CCDC149: variants seen among roughly 807,000 people sequenced by gnomAD.
The protein encoded by CCDC149 is coiled-coil domain containing 149, also known as coiled-coil domain-containing protein 149.
In CCDC149, 45 loss-of-function variants were observed where a neutral mutation model predicts 59.9. That is an observed-to-expected ratio of 0.75 (90% CI 0.59 to 0.96). CCDC149 has a LOEUF of 0.96. CCDC149 is among the 40% of genes least tolerant of loss of function. The probability of loss-of-function intolerance (pLI) is 0.00; values close to 1 mark genes in which losing one functional copy is unlikely to be tolerated. For missense variants in CCDC149, 584 were observed against 664.7 expected (o/e 0.88, Z 1.33); for synonymous variants, 245 against 260.6 (o/e 0.94, Z 0.58).
At chr4:24,813,637 C>G (rs917923747) in intron 12 of CCDC149, among the ~76,000 whole-genome samples, 1 of 151,386 alleles carries the variant, frequency 6.6e-6, no homozygotes, top group African/African-American at 2.4e-5. Context: ...AATTTTAATA[C>G]AACATAAAAG....
In CCDC149 at chr4:24,831,565, G is replaced by A. The variant is rs776173518; in HGVS notation, c.906C>T (p.Ala302=). The A allele has an allele frequency of 3.1e-6, 5 of 1,613,908 alleles. No individual in the cohort carries two copies. The highest frequency in any genetic ancestry group is 4.2e-6 in the Non-Finnish European group (5 of 1,180,002). ...TTTTCTCGTGGATTGTTTCCAACAG[G>A]GCTGTTGCCAGAGATTTCAGGTCAG... is the stretch of plus-strand genomic sequence containing the variant. The change falls in exon 9 of 13, where the codon GCC becomes GCT. Residue 302 remains alanine, a synonymous_variant. Coordinates refer to ENST00000635206, the MANE Select transcript of CCDC149 (RefSeq NM_001330643.2).
At chr4:24,921,658 C>T (rs1030737296) in intron 1 of CCDC149, among the ~76,000 whole-genome samples, 5 of 152,176 alleles carry the variant, frequency 3.3e-5, no homozygotes, top group Admixed American at 6.5e-5. Context: ...CACCCGCCAG[C>T]GCCCACATGT....
chr4:24,814,868 C>T (rs1403189190), intron 12 of CCDC149, among the ~76,000 whole-genome samples: 1 of 152,198 alleles, frequency 6.6e-6, no homozygotes, highest in African/African-American at 2.4e-5. Context: ...ATGTCATCCA[C>T]CCCTGTCCCC....
intron 9 of CCDC149, among the ~76,000 whole-genome samples, chr4:24,825,548 C>T (rs927381217): frequency 2.0e-5 from 3 of 151,958 alleles, no homozygotes; most frequent in South Asian, 2.1e-4. Flanking sequence ...ACGAGGCAGG[C>T]GGATCACGAG....
chr4:24,944,695 G>A (rs973982407), intron 1 of CCDC149, among the ~76,000 whole-genome samples: 13 of 152,150 alleles, frequency 8.5e-5, no homozygotes, highest in African/African-American at 3.1e-4. Flanking sequence ...AACCACCATG[G>A]CACATGTATA....
intron 1 of CCDC149, among the ~76,000 whole-genome samples, chr4:24,901,175 G>A (rs1721147719): frequency 6.6e-6 from 1 of 152,222 alleles, no homozygotes; most frequent in Admixed American, 6.5e-5. Flanking sequence ...ACCAGAAGAG[G>A]TGAAAGTGGA....
At chr4:24,909,569 T>C (rs1196746267) in intron 1 of CCDC149, among the ~76,000 whole-genome samples, 1 of 152,162 alleles carries the variant, frequency 6.6e-6, no homozygotes, top group Admixed American at 6.5e-5. Flanking sequence ...TAGTTTCTTG[T>C]GGCTGCTTGA....
At chr4:24,825,874 A>T (rs1330686753) in intron 9 of CCDC149, among the ~76,000 whole-genome samples, 1 of 152,138 alleles carries the variant, frequency 6.6e-6, no homozygotes, top group African/African-American at 2.4e-5. Flanking sequence ...CCAGACCATG[A>T]ATGACCTACC....
chr4:24,902,572 C>T (rs1043267702), intron 1 of CCDC149, among the ~76,000 whole-genome samples: 1 of 152,224 alleles, frequency 6.6e-6, no homozygotes, highest in Non-Finnish European at 1.5e-5. Flanking sequence ...ATCTCCCTTG[C>T]TGTCTTCAAC....
chr4:24,886,052 G>T (rs1197477064), intron 1 of CCDC149, among the ~76,000 whole-genome samples: 1 of 152,158 alleles, frequency 6.6e-6, no homozygotes, highest in Non-Finnish European at 1.5e-5. Flanking sequence ...TACAGAGAAG[G>T]ACATAGAACC....
At chr4:24,885,235 G>T (rs1720091738) in intron 1 of CCDC149, among the ~76,000 whole-genome samples, 1 of 152,158 alleles carries the variant, frequency 6.6e-6, no homozygotes, top group African/African-American at 2.4e-5. Flanking sequence ...TTGAATGGGG[G>T]AGTGTCATTA....
intron 1 of CCDC149, 37 bp from the exon 2 acceptor site, chr4:24,876,734 C>T: frequency 2.6e-6 from 4 of 1,567,660 alleles, no homozygotes; most frequent in Non-Finnish European, 3.5e-6. Context: ...GGGTCAAAAA[C>T]ATCCATGGGC....
At chr4:24,903,372 A>G (rs1487313045) in intron 1 of CCDC149, among the ~76,000 whole-genome samples, 1 of 152,176 alleles carries the variant, frequency 6.6e-6, no homozygotes, top group Non-Finnish European at 1.5e-5. Flanking sequence ...CTTGGTAGTC[A>G]GTCTCCAAGA....
At chr4:24,959,037 G>C (rs1393914546) in intron 1 of CCDC149, among the ~76,000 whole-genome samples, 1 of 151,430 alleles carries the variant, frequency 6.6e-6, no homozygotes, top group South Asian at 2.1e-4. Context: ...GCAGTGGCGC[G>C]ATCTTGGCTC....
At chr4:24,826,304 C>G (rs1456579762) in intron 9 of CCDC149, among the ~76,000 whole-genome samples, 1 of 152,018 alleles carries the variant, frequency 6.6e-6, no homozygotes, top group Non-Finnish European at 1.5e-5. Flanking sequence ...GAAGTTTAGG[C>G]AAAGTATTCT....
At chr4:24,977,695 C>T (rs1724267267) in intron 1 of CCDC149, among the ~76,000 whole-genome samples, 1 of 152,178 alleles carries the variant, frequency 6.6e-6, no homozygotes, top group South Asian at 2.1e-4. Flanking sequence ...ATAGCTTAAC[C>T]TCCCCTAAGG....
chr4:24,943,891 A>C (rs1214477453), intron 1 of CCDC149, among the ~76,000 whole-genome samples: 3 of 152,242 alleles, frequency 2.0e-5, no homozygotes, highest in African/African-American at 4.8e-5. Context: ...ATCATTAAAA[A>C]GTCAGGAAAC....
chr4:24,837,495 G>C lies in CCDC149; in HGVS notation c.490-95C>G. 2 of 1,223,082 alleles carry C rather than the reference G, an allele frequency of 1.6e-6. No homozygotes were observed. Among genetic ancestry groups the C allele is most frequent in the Non-Finnish European group, 2.3e-6 (2 of 855,142 alleles). The allele number at this position is 1,223,082 out of a possible 1,614,324, so 75.8% of individuals were successfully genotyped here. ...CTCCCACTTGGTTGACTGATTTTTAGAGAGTTTATTAACACTACCCGCATG... is the reference window on the plus strand; with the variant it reads ...CTCCCACTTGGTTGACTGATTTTTACAGAGTTTATTAACACTACCCGCATG... On this transcript the variant is annotated intron_variant, in intron 5 of 12. Coordinates refer to ENST00000635206, the MANE Select transcript of CCDC149 (RefSeq NM_001330643.2). The surrounding 1 kb of genome is among the most constrained non-coding windows in gnomAD (Gnocchi z 4.3).
At chr4:24,906,693 C>T (rs182419628) in intron 1 of CCDC149, among the ~76,000 whole-genome samples, 42 of 152,214 alleles carry the variant, frequency 2.8e-4, no homozygotes, top group South Asian at 6.2e-4. Flanking sequence ...CCACCGTGCC[C>T]GGCCAAATTT....
Sources: gnomAD v4.1 joint callset for allele counts (sites outside exome capture counted in the v4.1 genomes callset) on GRCh38, gnomAD v4.1.1 for gene constraint, Gnocchi (gnomAD v3.1) non-coding constraint, MANE v1.5 for transcripts, NCBI Gene and HGNC (gene_info 2026-07-23, HGNC 2026-07-21) for gene names.